The following BMPR1B variants were observed in gnomAD, a reference collection of about 807,000 sequenced individuals.
The protein encoded by BMPR1B is bone morphogenetic protein receptor type 1B.
BMPR1B carries 12 observed loss-of-function variants against 59.1 expected under a neutral mutation model. That is an observed-to-expected ratio of 0.20 (90% CI 0.13 to 0.33). The LOEUF (loss-of-function observed/expected upper bound fraction) is 0.33. Among genes scored for constraint, BMPR1B ranks in the 10% least tolerant of loss-of-function variants. BMPR1B has a pLI of 1.00. For synonymous variants in BMPR1B, 237 were observed against 207.3 expected (o/e 1.14, Z -1.23); for missense variants, 550 against 610.9 (o/e 0.90, Z 1.05).
Position 94,758,056 on chromosome 4 carries a change from A to G in BMPR1B, c.-195A>G, listed in dbSNP as rs1474108320. The G allele has an allele frequency of 2.0e-5, 3 of 147,508 alleles. No individual in the cohort carries two copies. The highest frequency in any genetic ancestry group is 7.4e-5 in the African/African-American group (3 of 40,628). The allele number at this position is 147,508 out of a possible 1,614,324, so 9.1% of individuals were successfully genotyped here. ...CGGCGCTGAGGACGCGGGAGCCGGG[A>G]GCGCAGCCGCGGGTAAGGCGCGCGC... On this transcript the variant is annotated 5_prime_UTR_variant, in exon 1 of 13. Transcript: ENST00000515059.
intron 2 of BMPR1B, among the ~76,000 whole-genome samples, chr4:94,921,048 G>GT (rs1158587720): frequency 6.6e-5 from 10 of 152,140 alleles, no homozygotes; most frequent in African/African-American, 2.4e-4. Flanking sequence ...ACTAATAAAA[G>GT]TAACTTTTTC....
intron 1 of BMPR1B, among the ~76,000 whole-genome samples, chr4:94,823,610 CCT>C (rs1354088754): frequency 1.3e-5 from 2 of 152,156 alleles, no homozygotes; most frequent in African/African-American, 2.4e-5. Context: ...CACAGCCTAA[CCT>C]CTCTATAAGG....
intron 9 of BMPR1B, among the ~76,000 whole-genome samples, chr4:95,130,787 A>G (rs909164752): frequency 2.3e-5 from 3 of 129,748 alleles, no homozygotes; most frequent in Admixed American, 9.7e-5. Context: ...CTGGAGTGCA[A>G]TGGTGTGATC....
intron 2 of BMPR1B, among the ~76,000 whole-genome samples, chr4:94,918,886 T>C (rs1405930997): frequency 6.6e-6 from 1 of 152,056 alleles, no homozygotes; most frequent in Admixed American, 6.6e-5. Context: ...AGTGGGTCCA[T>C]TCAGTGTTCC....
chr4:94,906,028 G>C (rs962147186), intron 2 of BMPR1B, among the ~76,000 whole-genome samples: 1 of 151,364 alleles, frequency 6.6e-6, no homozygotes, highest in African/African-American at 2.4e-5. Flanking sequence ...TTTTAAAGAA[G>C]TATTTCTAAG....
chr4:94,954,058 A>G (rs35510457), intron 2 of BMPR1B, among the ~76,000 whole-genome samples: 37,600 of 151,750 alleles, frequency 0.25, 4,677 homozygotes, highest in South Asian at 0.36. Flanking sequence ...CGATTTGGCT[A>G]TTGATACTTG....
At chr4:95,118,038 G>T (rs539201119) in intron 6 of BMPR1B, among the ~76,000 whole-genome samples, 1 of 152,138 alleles carries the variant, frequency 6.6e-6, no homozygotes, top group Admixed American at 6.5e-5. Flanking sequence ...TGAGCATTGC[G>T]TAAGGTGGCT....
rs977694319 is a variant in BMPR1B, at chr4:94,784,525, C to CT, written c.-183+26465dup. On this transcript the variant is annotated intron_variant, in intron 1 of 12. Coordinates refer to ENST00000515059, the MANE Select transcript of BMPR1B (RefSeq NM_001203.3). ...TTGTGTAAACTTTTTAAAATTTTTT[C>CT]TTTTTTTTGTTTGGTAGAGATGAGG... Among the ~76,000 whole-genome samples, 17 of 151,580 alleles carry CT rather than the reference C, an allele frequency of 1.1e-4. 1 individual carries two copies. In the South Asian group the frequency reaches 1.7e-3, roughly 15 times the overall value.
chr4:95,131,079 C>T, intron 9 of BMPR1B, 136 bp from the exon 10 acceptor site: 1 of 896,646 alleles, frequency 1.1e-6, no homozygotes, highest in Non-Finnish European at 1.7e-6. Flanking sequence ...CATTTAATAC[C>T]ATCATAGGCA....
chr4:94,889,916 T>C (rs149126990), intron 2 of BMPR1B, among the ~76,000 whole-genome samples: 1 of 151,970 alleles, frequency 6.6e-6, no homozygotes, highest in African/African-American at 2.4e-5. Context: ...TACTCTTTAA[T>C]CATAGTCACA....
rs376677821 is a variant in BMPR1B, at chr4:95,002,468, G to A, written c.-18+6334G>A. Among the ~76,000 whole-genome samples, 11 of 152,282 alleles carry A rather than the reference G, an allele frequency of 7.2e-5. No individual in the cohort carries two copies. In the East Asian group the frequency reaches 1.9e-3, roughly 27 times the overall value. ...GAGTGCATGTGTCTTTTGGGTTAGA[G>A]CTATTTCTTTTAGATCTATGCCCAG... On this transcript the variant is annotated intron_variant, in intron 3 of 12. Coordinates refer to ENST00000515059, the MANE Select transcript of BMPR1B (RefSeq NM_001203.3).
chr4:95,012,056 GAAAAA>G (rs1240553631), intron 3 of BMPR1B, among the ~76,000 whole-genome samples: 1 of 151,440 alleles, frequency 6.6e-6, no homozygotes, highest in Non-Finnish European at 1.5e-5. Context: ...AAAAAAGAAA[GAAAAA>G]GAAAAGATGG....
intron 2 of BMPR1B, among the ~76,000 whole-genome samples, chr4:94,934,379 T>C (rs1470909132): frequency 1.3e-5 from 2 of 151,804 alleles, no homozygotes; most frequent in African/African-American, 4.8e-5. Context: ...CTCCTTTTTA[T>C]GTATACACCA....
At chr4:94,835,082 G>C (rs981178303) in intron 1 of BMPR1B, among the ~76,000 whole-genome samples, 1 of 151,756 alleles carries the variant, frequency 6.6e-6, no homozygotes, top group Non-Finnish European at 1.5e-5. Context: ...GTGGTTATAG[G>C]AGTTATCTTT....
intron 2 of BMPR1B, among the ~76,000 whole-genome samples, chr4:94,885,196 C>T (rs1230247615): frequency 6.6e-6 from 1 of 152,130 alleles, no homozygotes; most frequent in Non-Finnish European, 1.5e-5. Flanking sequence ...GATCCATAGA[C>T]TCATGAGCAA....
At chr4:94,817,901 G>A (rs1490940575) in intron 1 of BMPR1B, among the ~76,000 whole-genome samples, 2 of 152,158 alleles carry the variant, frequency 1.3e-5, no homozygotes, top group Non-Finnish European at 2.9e-5. Context: ...ATGTTGAGGT[G>A]GCAAAAACCA....
chr4:94,802,278 G>A (rs1387626202), intron 1 of BMPR1B, among the ~76,000 whole-genome samples: 7 of 152,208 alleles, frequency 4.6e-5, no homozygotes, highest in Admixed American at 4.6e-4. Context: ...CAGCAGCACT[G>A]TTCCCATTGA....
At chr4:95,130,478 C>T (rs1461864359) in intron 9 of BMPR1B, among the ~76,000 whole-genome samples, 3 of 152,036 alleles carry the variant, frequency 2.0e-5, no homozygotes, top group East Asian at 1.9e-4. Context: ...CTGTCTGGAT[C>T]GTTCAAGTAG....
chr4:95,030,524 A>G (rs941890500), intron 3 of BMPR1B, among the ~76,000 whole-genome samples: 1 of 152,046 alleles, frequency 6.6e-6, no homozygotes, highest in Non-Finnish European at 1.5e-5. Context: ...GGCCAGGGCA[A>G]TTAGGCAGGA....
Sources: gnomAD v4.1 joint callset for allele counts (sites outside exome capture counted in the v4.1 genomes callset) on GRCh38, gnomAD v4.1.1 for gene constraint, MANE v1.5 for transcripts, NCBI Gene and HGNC (gene_info 2026-07-23, HGNC 2026-07-21) for gene names.